ATG5: variants seen among roughly 807,000 people sequenced by gnomAD.
ATG5 encodes autophagy protein 5.
In ATG5, 14 loss-of-function variants were observed where a neutral mutation model predicts 36.5. The ratio of observed to expected loss-of-function variants is 0.38; its 90% confidence interval spans 0.25 to 0.60. The LOEUF (loss-of-function observed/expected upper bound fraction) is 0.60, where lower values mean the gene tolerates loss of function less well. Among genes scored for constraint, ATG5 ranks in the 20% least tolerant of loss-of-function variants. The pLI is 0.60. For synonymous variants in ATG5, 95 were observed against 101.5 expected, an observed-to-expected ratio of 0.94 and a Z score of 0.38; for missense variants, 195 against 326.7, an observed-to-expected ratio of 0.60 and a Z score of 3.11.
chr6:106,247,135 G>T (rs182313533), intron 6 of ATG5, among the ~76,000 whole-genome samples: 1 of 151,998 alleles, frequency 6.6e-6, no homozygotes, highest in East Asian at 1.9e-4. Flanking sequence ...ACTATAGAAG[G>T]AACTATTGGT....
chr6:106,287,451 C>T (rs1232744392), intron 4 of ATG5, among the ~76,000 whole-genome samples: 1 of 152,166 alleles, frequency 6.6e-6, no homozygotes, highest in Non-Finnish European at 1.5e-5. Context: ...CAGCAGAGTT[C>T]AGCACATAAG....
intron 4 of ATG5, among the ~76,000 whole-genome samples, chr6:106,292,210 C>T (rs200695536): frequency 5.9e-5 from 9 of 152,096 alleles, no homozygotes; most frequent in African/African-American, 1.9e-4. Context: ...AATCACTGTT[C>T]GTGATCAACT....
chr6:106,287,744 T>A (rs1394116135), intron 4 of ATG5, among the ~76,000 whole-genome samples: 1 of 152,180 alleles, frequency 6.6e-6, no homozygotes, highest in Non-Finnish European at 1.5e-5. Context: ...ACTCCTTTTT[T>A]AAAAATTCCA....
At chr6:106,248,358 C>T in intron 5 of ATG5, 114 bp from the exon 6 acceptor site, 1 of 600,244 alleles carries the variant, frequency 1.7e-6, no homozygotes, top group East Asian at 2.9e-5. Context: ...AAGGACATCA[C>T]ATATATTTTC....
intron 5 of ATG5, among the ~76,000 whole-genome samples, chr6:106,262,205 TCGGATTAGAGG>T (rs1315700261): frequency 6.6e-6 from 1 of 152,120 alleles, no homozygotes; most frequent in Non-Finnish European, 1.5e-5. Context: ...CCTGAGTAGC[TCGGATTAGAGG>T]CGTGTGCCAT....
chr6:106,286,812 A>T (rs1780097119), intron 4 of ATG5, among the ~76,000 whole-genome samples: 2 of 152,186 alleles, frequency 1.3e-5, no homozygotes, highest in Admixed American at 1.3e-4. Context: ...AGCCAACAAG[A>T]AGATAGGCCC....
intron 6 of ATG5, among the ~76,000 whole-genome samples, chr6:106,225,424 A>C (rs1480321676): frequency 6.6e-6 from 1 of 150,628 alleles, no homozygotes; most frequent in Non-Finnish European, 1.5e-5. Context: ...CATGTTCTTA[A>C]GCAATATACT....
At chr6:106,199,906 A>G (rs1776350963) in intron 7 of ATG5, among the ~76,000 whole-genome samples, 1 of 152,204 alleles carries the variant, frequency 6.6e-6, no homozygotes, top group Non-Finnish European at 1.5e-5. Flanking sequence ...AAACCTTACT[A>G]TAAAGGCTAG....
intron 4 of ATG5, among the ~76,000 whole-genome samples, chr6:106,280,496 T>TA (rs1166723025): frequency 1.3e-5 from 2 of 152,096 alleles, no homozygotes; most frequent in African/African-American, 2.4e-5. Context: ...ATAAAGCTGT[T>TA]AAAAAAGTAG....
chr6:106,267,553 C>T (rs1326870489), intron 5 of ATG5, among the ~76,000 whole-genome samples: 1 of 152,086 alleles, frequency 6.6e-6, no homozygotes, highest in Non-Finnish European at 1.5e-5. Flanking sequence ...GCAAAAAGAA[C>T]GAAGCTGGAG....
At chr6:106,260,606 G>T (rs1778981926) in intron 5 of ATG5, among the ~76,000 whole-genome samples, 1 of 152,108 alleles carries the variant, frequency 6.6e-6, no homozygotes, top group African/African-American at 2.4e-5. Flanking sequence ...CAGTGTTTGG[G>T]TAAAAACCTT....
At chr6:106,190,144 G>T (rs1477584083) in intron 7 of ATG5, among the ~76,000 whole-genome samples, 1 of 151,936 alleles carries the variant, frequency 6.6e-6, no homozygotes, top group Non-Finnish European at 1.5e-5. Context: ...TTCAATCTAG[G>T]ATTCAGTCCA....
chr6:106,293,208 G>T (rs1780388721), intron 3 of ATG5, 102 bp from the exon 4 acceptor site: 2 of 885,680 alleles, frequency 2.3e-6, no homozygotes, highest in East Asian at 2.6e-5. Context: ...AATGTCAGGG[G>T]CTTTAATCAC....
At chr6:106,299,659 A>G (rs1282351999) in intron 3 of ATG5, among the ~76,000 whole-genome samples, 3 of 152,054 alleles carry the variant, frequency 2.0e-5, no homozygotes, top group African/African-American at 7.2e-5. Flanking sequence ...TTTATTCATT[A>G]CTCCATTTAT....
chr6:106,227,208 T>C (rs1001727601), intron 6 of ATG5, among the ~76,000 whole-genome samples: 2 of 152,210 alleles, frequency 1.3e-5, no homozygotes, highest in East Asian at 1.9e-4. Context: ...AAGGGACTTA[T>C]GTACAAAACA....
At chr6:106,253,979 T>C (rs1778700483) in intron 5 of ATG5, among the ~76,000 whole-genome samples, 1 of 152,124 alleles carries the variant, frequency 6.6e-6, no homozygotes, top group Non-Finnish European at 1.5e-5. Flanking sequence ...TCCACCCCCT[T>C]GGAAAGTTAT....
chr6:106,192,425 A>T (rs755365077), intron 7 of ATG5, among the ~76,000 whole-genome samples: 19 of 152,166 alleles, frequency 1.2e-4, no homozygotes, highest in Non-Finnish European at 1.9e-4. Flanking sequence ...AATTTCAACA[A>T]GGAATATGAT....
chr6:106,261,671 C>A (rs1779025399), intron 5 of ATG5, among the ~76,000 whole-genome samples: 1 of 152,210 alleles, frequency 6.6e-6, no homozygotes, highest in South Asian at 2.1e-4. Context: ...CATCATTTCC[C>A]TCTAGAGTAG....
At chr6:106,287,866 T>C (rs1195024024) in intron 4 of ATG5, among the ~76,000 whole-genome samples, 4 of 151,940 alleles carry the variant, frequency 2.6e-5, no homozygotes, top group Admixed American at 2.6e-4. Context: ...AGCATGCCTA[T>C]AGAATTAATG....
Sources: allele counts gnomAD v4.1 joint callset (sites outside exome capture counted in the v4.1 genomes callset), GRCh38; gene constraint gnomAD v4.1.1; transcripts MANE v1.5; gene names NCBI Gene and HGNC (gene_info 2026-07-23, HGNC 2026-07-21).